Variants in AP1B1 observed in about 807,000 individuals in gnomAD.
The protein encoded by AP1B1 is AP-1 complex subunit beta-1.
AP1B1 carries 36 observed loss-of-function variants against 104.3 expected under a neutral mutation model. The ratio of observed to expected loss-of-function variants is 0.35; its 90% CI spans 0.26 to 0.46. The LOEUF (loss-of-function observed/expected upper bound fraction) is 0.46. AP1B1 is among the 20% of genes least tolerant of loss of function. The pLI is 1.00. For missense variants in AP1B1, 901 were observed against 1,247.9 expected, an observed-to-expected ratio of 0.72 and a Z score of 4.19; for synonymous variants, 504 against 517.5, an observed-to-expected ratio of 0.97 and a Z score of 0.35.
At chr22:29,349,044 C>T (rs1002096634) in intron 11 of AP1B1, among the ~76,000 whole-genome samples, 174 bp downstream of exon 11, 2 of 152,210 alleles carry the variant, frequency 1.3e-5, no homozygotes, top group East Asian at 1.9e-4. Context: ...GTCCCCGACT[C>T]GACTGTACTG....
At chr22:29,348,208 A>C (rs1231249349) in intron 11 of AP1B1, among the ~76,000 whole-genome samples, 1 of 152,254 alleles carries the variant, frequency 6.6e-6, no homozygotes, top group Non-Finnish European at 1.5e-5. Context: ...CTTTGCAGTC[A>C]TTTGCAAATA....
chr22:29,380,891 A>G (rs758220914), intron 1 of AP1B1, among the ~76,000 whole-genome samples: 13 of 152,194 alleles, frequency 8.5e-5, no homozygotes, highest in Non-Finnish European at 1.6e-4. Flanking sequence ...TACTCATAGT[A>G]AAAGCCAAAG....
rs758743439 is a variant in AP1B1 at position 29,359,955 on chromosome 22, G to C, written c.148C>G (p.Leu50Val). The change falls in exon 4 of 23, where the codon CTC becomes GTC. Residue 50 changes from leucine (L) to valine (V), a missense_variant. Transcript: ENST00000357586. Reference protein sequence around the residue: ...SMTVGKDVSALFPDVVNCMQT... With the variant: ...SMTVGKDVSAVFPDVVNCMQT... ...ATGCAGTTGACCACATCGGGGAAGA[G>C]GGCACTGGAAGGTCAAAATGGTGTC... 6.8e-6 allele frequency: 11 copies of C among 1,612,224 alleles called. No individual in the cohort carries two copies. Among genetic ancestry groups the C allele is most frequent in the Non-Finnish European group, 1.7e-6 (2 of 1,179,196 alleles).
intron 13 of AP1B1, 118 bp downstream of exon 13, chr22:29,341,383 T>C: frequency 7.7e-7 from 1 of 1,304,558 alleles, no homozygotes; most frequent in Non-Finnish European, 1.1e-6. Context: ...TAAAAGGTTG[T>C]CAGTTTTCCT....
chr22:29,344,796 G>C (rs1332394007), intron 11 of AP1B1, among the ~76,000 whole-genome samples: 3 of 152,090 alleles, frequency 2.0e-5, no homozygotes, highest in Non-Finnish European at 4.4e-5. Flanking sequence ...TGGGATTACA[G>C]GCGTGAGCCC....
At chr22:29,330,348 A>C in intron 21 of AP1B1, 30 bp downstream of exon 21, 2 of 1,611,380 alleles carry the variant, frequency 1.2e-6, no homozygotes, top group Non-Finnish European at 1.7e-6. Flanking sequence ...GGAGGCTCCA[A>C]GGCTGCAGGG....
chr22:29,336,674 G>T (rs76124927), intron 16 of AP1B1, among the ~76,000 whole-genome samples: 1 of 148,894 alleles, frequency 6.7e-6, no homozygotes, highest in Non-Finnish European at 1.5e-5. Context: ...ATGGTGGCAG[G>T]TGCCTGTAAT....
intron 6 of AP1B1, among the ~76,000 whole-genome samples, chr22:29,356,075 ACT>A (rs952345679): frequency 3.7e-4 from 56 of 152,216 alleles, no homozygotes; most frequent in African/African-American, 1.3e-3. Context: ...TGCATTAAAG[ACT>A]CTAAAGTGTG....
intron 11 of AP1B1, among the ~76,000 whole-genome samples, chr22:29,343,425 C>G (rs2061743233): frequency 1.3e-5 from 2 of 152,222 alleles, no homozygotes; most frequent in African/African-American, 4.8e-5. Flanking sequence ...GCACGTGGTC[C>G]TCCAATTCTG....
chr22:29,356,743 C>G, intron 5 of AP1B1, 127 bp from the exon 6 acceptor site: 1 of 906,658 alleles, frequency 1.1e-6, no homozygotes, highest in Non-Finnish European at 1.6e-6. Context: ...TGGGCAGGGT[C>G]TGGAGCTGCA....
Position 29,340,726 on chromosome 22 carries a change from C to T in AP1B1, c.1928G>A (p.Gly643Asp). The change falls in exon 14 of 23, where the codon GGC (glycine) becomes GAC (aspartate). Residue 643 changes from glycine (G) to aspartate (D), a missense_variant. Gly to Asp is a moderately conservative substitution (Grantham distance 94). This residue lies in a region of AP1B1 where 424 missense variants were observed against 494.0 expected (regional missense o/e 0.86). Coordinates refer to ENST00000357586, the MANE Select transcript of AP1B1 (RefSeq NM_001127.4). ...CACCGAGGAGGTGGCCAGGGGTGGG[C>T]CGCTCACTGGGGGGCCGAGGTCCAG... ...LNLDLGPPVS[G>D]PPLATSSVQM... The T allele has an allele frequency of 2.5e-6, 4 of 1,592,924 alleles. No individual in the cohort carries two copies. The highest frequency in any genetic ancestry group is 2.7e-5 in the African/African-American group (2 of 74,874).
intron 1 of AP1B1, among the ~76,000 whole-genome samples, chr22:29,386,448 T>G (rs2062524169): frequency 6.6e-6 from 1 of 152,184 alleles, no homozygotes; most frequent in African/African-American, 2.4e-5. Flanking sequence ...CTGAAGATGC[T>G]CCTCATGACA....
Position 29,334,471 on chromosome 22 carries a change from C to G in AP1B1, c.2164-61G>C, listed in dbSNP as rs922859209. Reference sequence around the variant, plus strand: ...GCCTCTTCCTGCAGCCCAAACTCAACAGCCCACCTGAGGGTGCTTTTTCTC... The same window carrying G: ...GCCTCTTCCTGCAGCCCAAACTCAAGAGCCCACCTGAGGGTGCTTTTTCTC... On this transcript the variant is annotated intron_variant, in intron 16 of 22. Coordinates refer to ENST00000357586, the MANE Select transcript of AP1B1 (RefSeq NM_001127.4). 43 of 1,528,634 alleles carry G rather than the reference C, an allele frequency of 2.8e-5. No individual in the cohort carries two copies. The African/African-American group carries it at 5.0e-4, about 18-fold the overall frequency. The allele number at this position is 1,528,634 out of a possible 1,614,324, so 94.7% of individuals were successfully genotyped here. A position where few individuals can be genotyped will look rare whatever the true frequency, so the allele number is the denominator to read the frequency against.
At chr22:29,351,063 C>A (rs767742114) in intron 9 of AP1B1, 108 bp downstream of exon 9, 153 of 1,080,542 alleles carry the variant, frequency 1.4e-4, no homozygotes, top group Non-Finnish European at 2.0e-4. Context: ...GAGCCTCAGG[C>A]CTTCCCAGAC....
chr22:29,331,699 C>G, intron 18 of AP1B1, 88 bp downstream of exon 18: 1 of 1,609,178 alleles, frequency 6.2e-7, no homozygotes, highest in Non-Finnish European at 8.5e-7. Flanking sequence ...AAGAGCATGA[C>G]TCCGCAGACA....
At chr22:29,342,937 G>T (rs996964009) in intron 11 of AP1B1, among the ~76,000 whole-genome samples, 2 of 152,158 alleles carry the variant, frequency 1.3e-5, no homozygotes, top group Non-Finnish European at 2.9e-5. Context: ...TCACCCTTCA[G>T]ATCTCATGCC....
At chr22:29,350,220 G>A in intron 9 of AP1B1, 70 bp from the exon 10 acceptor site, 4 of 1,253,416 alleles carry the variant, frequency 3.2e-6, no homozygotes, top group African/African-American at 1.5e-5. Flanking sequence ...TGATGTCCAC[G>A]CCTCGGCCAA....
At position 29,329,661 on chromosome 22, in the gene AP1B1, GGAGAC is replaced by G. The variant is rs1331320155; in HGVS notation, c.2775+46_2775+50del. On this transcript the variant is annotated intron_variant, in intron 22 of 22. Coordinates refer to ENST00000357586, the MANE Select transcript of AP1B1 (RefSeq NM_001127.4). The stretch of plus-strand genomic sequence containing the variant: ...CATGGGGTGCATGGGGGCCATGACA[GGAGAC>G]AAGACTGGGGAGGGCGGACGGGGAA... 3.7e-6 allele frequency: 6 copies of G among 1,612,126 alleles called. No homozygotes were observed. In the African/African-American group the frequency reaches 8.0e-5, roughly 22 times the overall value.
At chr22:29,331,563 CTG>C (rs2061558369) in intron 18 of AP1B1, 30 bp from the exon 19 acceptor site, 3 of 1,613,258 alleles carry the variant, frequency 1.9e-6, no homozygotes, top group African/African-American at 1.3e-5. Context: ...CAGTCAGTCT[CTG>C]GGGCTTGACG....
Sources: gnomAD v4.1 joint callset for allele counts (sites outside exome capture counted in the v4.1 genomes callset) on GRCh38, gnomAD v4.1.1 for gene constraint, gnomAD v4.1.1 regional missense constraint, MANE v1.5 for transcripts, NCBI Gene and HGNC (gene_info 2026-07-23, HGNC 2026-07-21) for gene names.